The following CNTN5 variants were observed in gnomAD, a reference collection of about 807,000 sequenced individuals.
CNTN5 encodes the protein contactin 5.
In CNTN5, 77 loss-of-function variants were observed where a neutral mutation model predicts 129.1. That is an observed-to-expected ratio of 0.60 (90% confidence interval 0.50 to 0.72). CNTN5 has a LOEUF of 0.72. Ranked by LOEUF, CNTN5 falls within the 30% of genes least tolerant of loss-of-function variation. The probability of loss-of-function intolerance (pLI) is 0.00; values close to 1 mark genes in which losing one functional copy is unlikely to be tolerated. For synonymous variants in CNTN5, 509 were observed against 465.6 expected (o/e 1.09, Z -1.20); for missense variants, 1,478 against 1,328.8 (o/e 1.11, Z -1.75).
chr11:100,044,548 T>C (rs917888589), intron 9 of CNTN5, among the ~76,000 whole-genome samples: 1 of 152,024 alleles, frequency 6.6e-6, no homozygotes, highest in African/African-American at 2.4e-5. Context: ...TATACAATTG[T>C]GGTTTTAATT....
chr11:99,116,192 T>C (rs1029564685), intron 1 of CNTN5, among the ~76,000 whole-genome samples: 1 of 152,202 alleles, frequency 6.6e-6, no homozygotes, highest in African/African-American at 2.4e-5. Context: ...GCTAGAGAAA[T>C]TGAAATTTCT....
intron 1 of CNTN5, among the ~76,000 whole-genome samples, chr11:99,190,751 T>G (rs577352034): frequency 2.0e-5 from 3 of 151,874 alleles, no homozygotes; most frequent in South Asian, 2.1e-4. Context: ...TCCTGCAACT[T>G]TACTGAATTT....
chr11:99,844,460 A>G (rs1947615639), intron 4 of CNTN5: 1 of 275,182 alleles, frequency 3.6e-6, no homozygotes, highest in African/African-American at 2.3e-5. Flanking sequence ...CAATATTAAT[A>G]TATTACTTTT....
rs866477457 is a variant in CNTN5 at position 100,255,989 on chromosome 11, G to T, written c.2164+71G>T. 21 of 1,334,484 alleles carry T rather than the reference G, an allele frequency of 1.6e-5. No individual in the cohort carries two copies. The Middle Eastern group carries it at 3.2e-3, about 206-fold the overall frequency. 82.7% of individuals were successfully genotyped at this position (1,334,484 alleles called of 1,614,324 possible). A position where few individuals can be genotyped will look rare whatever the true frequency, so the allele number is the denominator to read the frequency against. ...TATCTCATAAGCTATATTTGGCTAA[G>T]GTCTTACTATGATTTTTTTGGATTC... On this transcript the variant is annotated intron_variant, in intron 17 of 24. Coordinates refer to ENST00000524871, the MANE Select transcript of CNTN5 (RefSeq NM_014361.4).
intron 17 of CNTN5, among the ~76,000 whole-genome samples, chr11:100,259,475 C>T (rs1469310767): frequency 6.6e-6 from 1 of 152,162 alleles, no homozygotes; most frequent in Non-Finnish European, 1.5e-5. Flanking sequence ...CTCTCCACCC[C>T]AAATCAACAA....
intron 2 of CNTN5, among the ~76,000 whole-genome samples, chr11:99,416,571 C>A (rs950584880): frequency 2.0e-5 from 3 of 152,062 alleles, no homozygotes; most frequent in African/African-American, 7.2e-5. Flanking sequence ...CAAGCATAAG[C>A]CATCATGCCC....
chr11:99,770,110 T>C (rs539823581), intron 3 of CNTN5, among the ~76,000 whole-genome samples: 43 of 152,308 alleles, frequency 2.8e-4, no homozygotes, highest in African/African-American at 1.0e-3. Context: ...GCTAAATCTT[T>C]TTAAAATTTA....
intron 2 of CNTN5, among the ~76,000 whole-genome samples, chr11:99,494,494 G>A (rs1946152242): frequency 6.6e-6 from 1 of 152,138 alleles, no homozygotes. Context: ...GAATTTAAAA[G>A]GTGAAGAAAA....
At chr11:99,281,811 T>C (rs914962105) in intron 1 of CNTN5, among the ~76,000 whole-genome samples, 2 of 152,078 alleles carry the variant, frequency 1.3e-5, no homozygotes, top group African/African-American at 4.8e-5. Context: ...AAAATGTTTT[T>C]ACTTCACTTA....
At chr11:99,449,715 CTCTT>C (rs1479582941) in intron 2 of CNTN5, among the ~76,000 whole-genome samples, 2 of 152,160 alleles carry the variant, frequency 1.3e-5, no homozygotes, top group Non-Finnish European at 2.9e-5. Flanking sequence ...GTGTGGGTCT[CTCTT>C]TATCTCTCAA....
chr11:99,970,120 C>T (rs1190316584), intron 8 of CNTN5, among the ~76,000 whole-genome samples: 1 of 152,154 alleles, frequency 6.6e-6, no homozygotes, highest in Non-Finnish European at 1.5e-5. Flanking sequence ...TCTACATCTG[C>T]AATGTCATTC....
At chr11:100,241,084 T>C (rs920946124) in intron 16 of CNTN5, among the ~76,000 whole-genome samples, 3 of 152,210 alleles carry the variant, frequency 2.0e-5, no homozygotes, top group African/African-American at 7.2e-5. Flanking sequence ...CCTCATATGG[T>C]ATTTTCCTAC....
intron 2 of CNTN5, among the ~76,000 whole-genome samples, chr11:99,341,187 A>T (rs1816856130): frequency 6.6e-6 from 1 of 152,186 alleles, no homozygotes; most frequent in African/African-American, 2.4e-5. Flanking sequence ...TATTCTAATG[A>T]ATAATCATAG....
At chr11:99,995,057 C>A (rs973504316) in intron 8 of CNTN5, among the ~76,000 whole-genome samples, 1 of 152,104 alleles carries the variant, frequency 6.6e-6, no homozygotes, top group African/African-American at 2.4e-5. Context: ...TAGTGCTAAC[C>A]ACTCAGTTCA....
At chr11:99,548,782 T>G (rs1948382978) in intron 2 of CNTN5, among the ~76,000 whole-genome samples, 1 of 152,182 alleles carries the variant, frequency 6.6e-6, no homozygotes, top group Admixed American at 6.6e-5. Context: ...CTCTGGCTGC[T>G]TTTTGGTTTT....
chr11:99,418,783 C>T (rs181407399), intron 2 of CNTN5, among the ~76,000 whole-genome samples: 9 of 152,184 alleles, frequency 5.9e-5, no homozygotes, highest in East Asian at 3.9e-4. Flanking sequence ...AAGTATCTGT[C>T]GAATCATGTC....
At chr11:99,692,817 C>CACCAAG (rs1954095869) in intron 3 of CNTN5, among the ~76,000 whole-genome samples, 1 of 152,020 alleles carries the variant, frequency 6.6e-6, no homozygotes, top group Non-Finnish European at 1.5e-5. Context: ...TTTTGATTGA[C>CACCAAG]TATAGTATAC....
rs1465404111 is a variant in CNTN5, at chr11:99,037,939, A to T, written c.-210+16669A>T. Among the ~76,000 whole-genome samples, 6 of 152,100 alleles carry T rather than the reference A, an allele frequency of 3.9e-5. No homozygotes were observed. The East Asian group carries it at 1.2e-3, about 29-fold the overall frequency. ...TTAAGGATAAGAAAGTGTTTTGATAATTTTGATAAACTGCTTTGCCTAACA... is the reference window on the plus strand; with the variant it reads ...TTAAGGATAAGAAAGTGTTTTGATATTTTTGATAAACTGCTTTGCCTAACA... On this transcript the variant is annotated intron_variant, in intron 1 of 24. Transcript: ENST00000524871.
At chr11:99,711,154 G>A (rs1954971593) in intron 3 of CNTN5, among the ~76,000 whole-genome samples, 1 of 151,782 alleles carries the variant, frequency 6.6e-6, no homozygotes, top group South Asian at 2.1e-4. Flanking sequence ...AAAAATCCCT[G>A]ATTTTAAAAA....
Sources: allele counts gnomAD v4.1 joint callset (sites outside exome capture counted in the v4.1 genomes callset), GRCh38; gene constraint gnomAD v4.1.1; transcripts MANE v1.5; gene names NCBI Gene and HGNC (gene_info 2026-07-23, HGNC 2026-07-21).